DSTYK: variants seen among roughly 807,000 people sequenced by gnomAD.
DSTYK encodes dual serine/threonine and tyrosine protein kinase.
Under a neutral mutation model 98.7 loss-of-function variants are expected in DSTYK, and 34 were observed. The ratio of observed to expected loss-of-function variants is 0.34; its 90% CI spans 0.26 to 0.46. The LOEUF (loss-of-function observed/expected upper bound fraction) is 0.46, where lower values mean the gene tolerates loss of function less well. Among genes scored for constraint, DSTYK ranks in the 20% least tolerant of loss-of-function variants. The probability of loss-of-function intolerance (pLI) is 1.00; values close to 1 mark genes in which losing one functional copy is unlikely to be tolerated. For missense variants in DSTYK, 962 were observed against 1,181.7 expected, an observed-to-expected ratio of 0.81 and a Z score of 2.73; for synonymous variants, 462 against 457.3, an observed-to-expected ratio of 1.01 and a Z score of -0.13.
intron 3 of DSTYK, among the ~76,000 whole-genome samples, chr1:205,166,671 T>A (rs894052013): frequency 2.6e-5 from 4 of 152,180 alleles, no homozygotes; most frequent in Admixed American, 2.0e-4. Context: ...TTTAATCAAA[T>A]ATTGAGAAGA....
intron 2 of DSTYK, among the ~76,000 whole-genome samples, chr1:205,176,476 T>TAAAAAAAAAAAAAAAAAAAAA (rs61291677): frequency 2.3e-5 from 1 of 43,204 alleles, no homozygotes; most frequent in African/African-American, 7.1e-5. Flanking sequence ...AACTCCCTCT[T>TAAAAAAAAAAAAAAAAAAAAA]AAAAAAAAAA....
At chr1:205,184,724 G>C (rs1219844332) in intron 2 of DSTYK, among the ~76,000 whole-genome samples, 1 of 152,144 alleles carries the variant, frequency 6.6e-6, no homozygotes, top group Admixed American at 6.6e-5. Context: ...AGGATCACTT[G>C]ATCCCCCAAC....
At chr1:205,171,454 T>TAAAAA (rs10536424) in intron 2 of DSTYK, among the ~76,000 whole-genome samples, 1 of 115,176 alleles carries the variant, frequency 8.7e-6, no homozygotes, top group Non-Finnish European at 1.8e-5. Context: ...CTGTCTCAAT[T>TAAAAA]AAAAAAAAAA....
intron 2 of DSTYK, among the ~76,000 whole-genome samples, chr1:205,179,963 G>C (rs1007741889): frequency 2.6e-5 from 4 of 152,180 alleles, no homozygotes; most frequent in Non-Finnish European, 4.4e-5. Context: ...GAAAGAGGTA[G>C]AATCCTAGCA....
chr1:205,195,769 C>T (rs1369569587), intron 1 of DSTYK, among the ~76,000 whole-genome samples: 7 of 152,178 alleles, frequency 4.6e-5, no homozygotes, highest in Admixed American at 6.5e-5. Context: ...GAGAGGAGAC[C>T]GCCTCCCTAG....
At chr1:205,202,768 T>C in intron 1 of DSTYK, 1 of 640,624 alleles carries the variant, frequency 1.6e-6, no homozygotes, top group Non-Finnish European at 2.8e-6. Flanking sequence ...TAAATACAAT[T>C]AAATATTTTT....
At position 205,162,906 on chromosome 1, in the gene DSTYK, T is replaced by C. The variant is rs113106173; in HGVS notation, c.1641+17A>G. 6.3e-7 allele frequency: 1 copy of C among 1,597,156 alleles called. No homozygotes were observed. Among genetic ancestry groups the C allele is most frequent in the Non-Finnish European group, 8.6e-7 (1 of 1,164,636 alleles). Reference sequence around the variant, plus strand: ...AACTAGGGGCTTTGAAATCTTTCTCTAAGTAATAATCCCTACCTGTTTGAT... The same window carrying C: ...AACTAGGGGCTTTGAAATCTTTCTCCAAGTAATAATCCCTACCTGTTTGAT... On this transcript the variant is annotated intron_variant, in intron 5 of 12. Transcript: ENST00000367162.
intron 4 of DSTYK, among the ~76,000 whole-genome samples, chr1:205,163,469 T>C (rs1416028340): frequency 1.3e-5 from 2 of 152,212 alleles, no homozygotes; most frequent in African/African-American, 2.4e-5. Context: ...TCCGCCCACC[T>C]CAGCCTCCCA....
At chr1:205,202,332 C>G in intron 1 of DSTYK, 1 of 704,404 alleles carries the variant, frequency 1.4e-6, no homozygotes, top group South Asian at 1.4e-5. Flanking sequence ...CACGAAGTAT[C>G]TGAAAGCTAC....
chr1:205,211,175 C>T, intron 1 of DSTYK, 96 bp downstream of exon 1: 1 of 1,466,752 alleles, frequency 6.8e-7, no homozygotes, highest in Non-Finnish European at 9.0e-7. Flanking sequence ...TTTCCGCCTG[C>T]CCGAGAAGAC....
At chr1:205,165,728 A>C (rs1284934074) in intron 3 of DSTYK, among the ~76,000 whole-genome samples, 1 of 152,204 alleles carries the variant, frequency 6.6e-6, no homozygotes, top group Non-Finnish European at 1.5e-5. Flanking sequence ...ACAAGTCCCA[A>C]GGTGTATATG....
intron 2 of DSTYK, among the ~76,000 whole-genome samples, chr1:205,184,347 C>T (rs756095460): frequency 2.6e-5 from 4 of 151,426 alleles, no homozygotes; most frequent in Admixed American, 6.6e-5. Flanking sequence ...GTGAGGGGGG[C>T]GGATCACTTG....
At chr1:205,197,357 T>C (rs577490226) in intron 1 of DSTYK, among the ~76,000 whole-genome samples, 1 of 152,246 alleles carries the variant, frequency 6.6e-6, no homozygotes, top group South Asian at 2.1e-4. Context: ...AGAAAAAGGC[T>C]ACATCTAATA....
intron 2 of DSTYK, among the ~76,000 whole-genome samples, chr1:205,183,886 T>C (rs1658491583): frequency 6.6e-6 from 1 of 152,090 alleles, no homozygotes; most frequent in Non-Finnish European, 1.5e-5. Flanking sequence ...GTTCTAAACT[T>C]AGAACTACAG....
chr1:205,194,509 A>G (rs548193807), intron 1 of DSTYK, among the ~76,000 whole-genome samples: 1 of 151,848 alleles, frequency 6.6e-6, no homozygotes, highest in African/African-American at 2.4e-5. Context: ...CTGGTACCCA[A>G]GGATTTCCCT....
chr1:205,151,509 T>C (rs1322232006), intron 10 of DSTYK, among the ~76,000 whole-genome samples: 3 of 152,162 alleles, frequency 2.0e-5, no homozygotes, highest in African/African-American at 7.2e-5. Flanking sequence ...GGTTGTGCTC[T>C]GTCGTCCAGG....
intron 1 of DSTYK, 126 bp from the exon 2 acceptor site, chr1:205,187,932 G>C: frequency 1.1e-6 from 1 of 949,600 alleles, no homozygotes; most frequent in Non-Finnish European, 1.5e-6. Context: ...GAAATTTCTA[G>C]GAACCTTGGT....
intron 1 of DSTYK, among the ~76,000 whole-genome samples, chr1:205,192,891 T>C (rs1372382227): frequency 6.6e-6 from 1 of 151,980 alleles, no homozygotes; most frequent in Admixed American, 6.6e-5. Flanking sequence ...ACAGCTCAGG[T>C]TTCTCCATTT....
intron 1 of DSTYK, among the ~76,000 whole-genome samples, chr1:205,189,087 T>TA (rs748372621): frequency 1.4e-4 from 22 of 152,082 alleles, no homozygotes; most frequent in African/African-American, 2.2e-4. Flanking sequence ...TGTGTCAATT[T>TA]AAAAAATCTG....
Sources: allele counts gnomAD v4.1 joint callset (sites outside exome capture counted in the v4.1 genomes callset), GRCh38; gene constraint gnomAD v4.1.1; transcripts MANE v1.5; gene names NCBI Gene and HGNC (gene_info 2026-07-23, HGNC 2026-07-21).